Variants in ACSL3 observed in about 807,000 individuals in gnomAD.
ACSL3 encodes the protein fatty acid CoA ligase Acsl3.
In ACSL3, 34 loss-of-function variants were observed where a neutral mutation model predicts 84.7. The observed-to-expected ratio is 0.40, with a 90% CI of 0.31 to 0.53. The LOEUF (loss-of-function observed/expected upper bound fraction) is 0.53, where lower values mean the gene tolerates loss of function less well. ACSL3 is among the 20% of genes least tolerant of loss of function. ACSL3 has a pLI of 0.48. For missense variants in ACSL3, 680 were observed against 873.1 expected, an observed-to-expected ratio of 0.78 and a Z score of 2.79; for synonymous variants, 315 against 299.4, an observed-to-expected ratio of 1.05 and a Z score of -0.54.
intron 1 of ACSL3, among the ~76,000 whole-genome samples, chr2:222,873,415 C>G (rs1055106902): frequency 6.6e-6 from 1 of 152,106 alleles, no homozygotes; most frequent in Admixed American, 6.5e-5. Context: ...TTTAAAAGAT[C>G]ATAAATTGAC....
In ACSL3 at chr2:222,887,878, A is replaced by G. The variant is rs963898615; in HGVS notation, c.-158A>G. ...TTCAAAGCACCTAGTACCTCCTACC[A>G]TTGTCAACTGGTAAAATATTTAATT... On this transcript the variant is annotated 5_prime_UTR_variant, in exon 2 of 17. Transcript: ENST00000357430. 72 of 152,298 alleles carry G rather than the reference A, an allele frequency of 4.7e-4. No homozygotes were observed. Among genetic ancestry groups the G allele is most frequent in the African/African-American group, 1.7e-3 (70 of 41,570 alleles). The allele number at this position is 152,298 out of a possible 1,614,324, so 9.4% of individuals were successfully genotyped here.
At chr2:222,879,627 C>T (rs896669460) in intron 1 of ACSL3, among the ~76,000 whole-genome samples, 1 of 152,232 alleles carries the variant, frequency 6.6e-6, no homozygotes, top group African/African-American at 2.4e-5. Flanking sequence ...CAATTCCATA[C>T]CCCATTCCAA....
intron 2 of ACSL3, among the ~76,000 whole-genome samples, chr2:222,900,279 CCT>C (rs1405041080): frequency 1.3e-5 from 2 of 152,176 alleles, no homozygotes; most frequent in Admixed American, 1.3e-4. Flanking sequence ...GCAACACTGT[CCT>C]CTCCATTTTC....
In ACSL3 at chr2:222,934,701, TA is replaced by T; in HGVS notation, c.2005+17del. On this transcript the variant is annotated intron_variant, in intron 16 of 16. Coordinates refer to ENST00000357430, the MANE Select transcript of ACSL3 (RefSeq NM_004457.5). ...CTGCTATTTCAGGTGAGTATTCGGTTAAACTGATACTAAAAACTGAGATGGG... is the reference window on the plus strand; with the variant it reads ...CTGCTATTTCAGGTGAGTATTCGGTTAACTGATACTAAAAACTGAGATGGG... The T allele has an allele frequency of 6.2e-7, 1 of 1,602,060 alleles. No homozygotes were observed. Among genetic ancestry groups the T allele is most frequent in the Non-Finnish European group, 8.5e-7 (1 of 1,176,180 alleles).
chr2:222,871,711 G>T (rs975392059), intron 1 of ACSL3, among the ~76,000 whole-genome samples: 13 of 152,188 alleles, frequency 8.5e-5, no homozygotes, highest in Admixed American at 5.2e-4. Context: ...CCTGGGACTA[G>T]GCTTTCAGGG....
At chr2:222,898,595 C>A (rs1057163141) in intron 2 of ACSL3, among the ~76,000 whole-genome samples, 2 of 152,154 alleles carry the variant, frequency 1.3e-5, no homozygotes, top group African/African-American at 4.8e-5. Flanking sequence ...GAGGCCGAGG[C>A]GGGCGGATCA....
chr2:222,913,322 T>C (rs1476439231), intron 4 of ACSL3, among the ~76,000 whole-genome samples: 2 of 152,232 alleles, frequency 1.3e-5, no homozygotes, highest in African/African-American at 4.8e-5. Context: ...CCTGTTTGTG[T>C]ATGTGTATAA....
chr2:222,934,457 T>C lies in ACSL3; in HGVS notation c.1848-73T>C, dbSNP rs1464722159. The C allele has an allele frequency of 3.2e-6, 4 of 1,240,148 alleles. No individual in the cohort carries two copies. The African/African-American group carries it at 6.3e-5, about 19-fold the overall frequency. The allele number at this position is 1,240,148 out of a possible 1,614,324, so 76.8% of individuals were successfully genotyped here. On this transcript the variant is annotated intron_variant, in intron 15 of 16. Transcript: ENST00000357430. ...AAAATGAGGAGTTATTTACTACTTG[T>C]CACTGTAATAATAACTGCAGTCAAC...
intron 1 of ACSL3, among the ~76,000 whole-genome samples, chr2:222,869,878 G>C (rs1014296149): frequency 9.2e-5 from 14 of 152,282 alleles, no homozygotes; most frequent in African/African-American, 3.4e-4. Flanking sequence ...TTAAGACCTA[G>C]CGTAACCTCT....
rs761609022 is a variant in ACSL3 at position 222,934,501 on chromosome 2, C to G, written c.1848-29C>G. The G allele has an allele frequency of 1.5e-5, 22 of 1,486,706 alleles. 1 individual carries two copies. The South Asian group carries it at 3.0e-4, about 20-fold the overall frequency. The allele number at this position is 1,486,706 out of a possible 1,614,324, so 92.1% of individuals were successfully genotyped here. Reference sequence around the variant, plus strand: ...AGTCAACACAGTTCACCATTTTGTTCCTTATCTGTTATCCTTTCTATATTT... The same window carrying G: ...AGTCAACACAGTTCACCATTTTGTTGCTTATCTGTTATCCTTTCTATATTT... On this transcript the variant is annotated intron_variant, in intron 15 of 16. Transcript: ENST00000357430.
At chr2:222,907,362 G>A (rs1437268307) in intron 3 of ACSL3, among the ~76,000 whole-genome samples, 1 of 152,200 alleles carries the variant, frequency 6.6e-6, no homozygotes, top group Non-Finnish European at 1.5e-5. Context: ...CTAGGGGTAG[G>A]AGGTGAAAAA....
chr2:222,938,479 A>G (rs1480665946), intron 16 of ACSL3, among the ~76,000 whole-genome samples: 1 of 152,082 alleles, frequency 6.6e-6, no homozygotes, highest in East Asian at 1.9e-4. Flanking sequence ...GAATACTACT[A>G]TTTTCTAACC....
intron 8 of ACSL3, among the ~76,000 whole-genome samples, chr2:222,921,765 A>AAGTATTTGTTGAGCTTC (rs1696746071): frequency 6.6e-6 from 1 of 152,104 alleles, no homozygotes; most frequent in Non-Finnish European, 1.5e-5. Flanking sequence ...TTTATCCACT[A>AAGTATTTGTTGAGCTTC]AGTATTTGTT....
chr2:222,901,303 A>G (rs1335568118), intron 3 of ACSL3, among the ~76,000 whole-genome samples: 1 of 152,200 alleles, frequency 6.6e-6, no homozygotes, highest in African/African-American at 2.4e-5. Context: ...CCATTTGTTG[A>G]AAAGACTGTT....
At chr2:222,921,464 G>A in intron 8 of ACSL3, 34 bp downstream of exon 8, 2 of 1,541,100 alleles carry the variant, frequency 1.3e-6, no homozygotes, top group South Asian at 1.2e-5. Context: ...GAGTAGTTAA[G>A]TATTTATGTC....
intron 16 of ACSL3, among the ~76,000 whole-genome samples, chr2:222,935,894 G>A (rs977913957): frequency 5.9e-5 from 9 of 151,928 alleles, no homozygotes; most frequent in African/African-American, 2.2e-4. Flanking sequence ...CTTGCAAAAC[G>A]GAGACACTAT....
chr2:222,927,562 A>G (rs1696915482), intron 12 of ACSL3, among the ~76,000 whole-genome samples: 1 of 152,206 alleles, frequency 6.6e-6, no homozygotes, highest in Non-Finnish European at 1.5e-5. Context: ...AGGTGAGTAT[A>G]TTAAGGCTCA....
chr2:222,926,232 G>T (rs1375814186), intron 11 of ACSL3, among the ~76,000 whole-genome samples: 3 of 152,208 alleles, frequency 2.0e-5, no homozygotes, highest in African/African-American at 7.2e-5. Flanking sequence ...TGGAGGATGT[G>T]TGTAGGCTTT....
At chr2:222,903,559 A>G (rs922217529) in intron 3 of ACSL3, among the ~76,000 whole-genome samples, 1 of 151,090 alleles carries the variant, frequency 6.6e-6, no homozygotes, top group African/African-American at 2.4e-5. Context: ...GTAACACCAT[A>G]GTTATATGAT....
Sources: gnomAD v4.1 joint callset for allele counts (sites outside exome capture counted in the v4.1 genomes callset) on GRCh38, gnomAD v4.1.1 for gene constraint, MANE v1.5 for transcripts, NCBI Gene and HGNC (gene_info 2026-07-23, HGNC 2026-07-21) for gene names.